The following GRIK3 variants were observed in gnomAD, a reference collection of about 807,000 sequenced individuals.
The protein encoded by GRIK3 is glutamate ionotropic receptor kainate type subunit 3.
Under a neutral mutation model 102.5 loss-of-function variants are expected in GRIK3, and 29 were observed. That is an observed-to-expected ratio of 0.28 (90% CI 0.21 to 0.39). The LOEUF (loss-of-function observed/expected upper bound fraction) is 0.39. Among genes scored for constraint, GRIK3 ranks in the 10% least tolerant of loss-of-function variants. The probability of loss-of-function intolerance (pLI) is 1.00; values close to 1 mark genes in which losing one functional copy is unlikely to be tolerated. For missense variants in GRIK3, 908 were observed against 1,252.4 expected, an observed-to-expected ratio of 0.73 and a Z score of 4.15; for synonymous variants, 511 against 504.9, an observed-to-expected ratio of 1.01 and a Z score of -0.16.
intron 1 of GRIK3, among the ~76,000 whole-genome samples, chr1:36,976,515 C>T (rs80329866): frequency 6.6e-6 from 1 of 152,036 alleles, no homozygotes; most frequent in Admixed American, 6.5e-5. Flanking sequence ...GGGCCATGGA[C>T]CTTGGCAGAC....
At chr1:36,837,963 G>C (rs1640400954) in intron 10 of GRIK3, among the ~76,000 whole-genome samples, 1 of 152,236 alleles carries the variant, frequency 6.6e-6, no homozygotes, top group East Asian at 1.9e-4. Flanking sequence ...GATCCAGTGG[G>C]GGTAAGGTCT....
chr1:36,813,624 C>A (rs1257093244), intron 13 of GRIK3, among the ~76,000 whole-genome samples: 1 of 152,150 alleles, frequency 6.6e-6, no homozygotes, highest in African/African-American at 2.4e-5. Flanking sequence ...CTCTAACCTG[C>A]AAACATTCTG....
intron 3 of GRIK3, among the ~76,000 whole-genome samples, chr1:36,879,301 C>A (rs1640940812): frequency 6.6e-6 from 1 of 151,774 alleles, no homozygotes; most frequent in Non-Finnish European, 1.5e-5. Flanking sequence ...GGAGACCAGC[C>A]TGGGCAACGT....
intron 1 of GRIK3, among the ~76,000 whole-genome samples, chr1:36,976,050 C>T (rs957188852): frequency 5.4e-4 from 82 of 152,212 alleles, no homozygotes; most frequent in Non-Finnish European, 1.6e-4. Flanking sequence ...CAAGGAGCAA[C>T]CCAAAGTAGG....
chr1:36,981,976 G>A (rs767860914), intron 1 of GRIK3, among the ~76,000 whole-genome samples: 12 of 152,266 alleles, frequency 7.9e-5, no homozygotes, highest in Middle Eastern at 3.4e-3. Context: ...ATAAGCAAAC[G>A]GGGAGCGGGA....
intron 1 of GRIK3, among the ~76,000 whole-genome samples, chr1:36,996,903 G>A (rs1642426281): frequency 6.6e-6 from 1 of 152,228 alleles, no homozygotes; most frequent in African/African-American, 2.4e-5. Context: ...CATGACGGAA[G>A]ACATTTTTGG....
chr1:36,848,087 C>G (rs768962125), intron 9 of GRIK3, among the ~76,000 whole-genome samples: 3 of 152,194 alleles, frequency 2.0e-5, no homozygotes, highest in Non-Finnish European at 4.4e-5. Flanking sequence ...ACTCACAGGT[C>G]GAGAGCATGG....
intron 15 of GRIK3, among the ~76,000 whole-genome samples, chr1:36,802,965 C>T (rs148506302): frequency 6.6e-6 from 1 of 152,212 alleles, no homozygotes; most frequent in African/African-American, 2.4e-5. Flanking sequence ...ATGTGCCAGG[C>T]ACTGTTCCAG....
chr1:36,804,938 G>T, intron 15 of GRIK3, 49 bp downstream of exon 15: 1 of 1,600,592 alleles, frequency 6.2e-7, no homozygotes, highest in Non-Finnish European at 8.5e-7. Context: ...TGAAATCAGC[G>T]CGAATCTCCA....
At position 37,011,523 on chromosome 1, in the gene GRIK3, C is replaced by T. The variant is rs751551241; in HGVS notation, c.115+22471G>A. On this transcript the variant is annotated intron_variant, in intron 1 of 15. Coordinates refer to ENST00000373091, the MANE Select transcript of GRIK3 (RefSeq NM_000831.4). Reference sequence around the variant, plus strand: ...CTCAAGCACAGAGAGGTTAAGAACTCGCCTGAAGTCAGGAGTCAGGATTCA... The same window carrying T: ...CTCAAGCACAGAGAGGTTAAGAACTTGCCTGAAGTCAGGAGTCAGGATTCA... Among the ~76,000 whole-genome samples the T allele has an allele frequency of 2.6e-5, 4 of 152,296 alleles. No homozygotes were observed. In the South Asian group the frequency reaches 8.3e-4, roughly 32 times the overall value.
intron 3 of GRIK3, among the ~76,000 whole-genome samples, chr1:36,877,647 C>G (rs1039679503): frequency 1.3e-5 from 2 of 152,202 alleles, no homozygotes; most frequent in African/African-American, 4.8e-5. Flanking sequence ...GAATCCTCTC[C>G]CCTAGCCAGG....
At chr1:36,968,221 G>A (rs1012120781) in intron 1 of GRIK3, among the ~76,000 whole-genome samples, 1 of 4,128 alleles carries the variant, frequency 2.4e-4, no homozygotes, top group African/African-American at 5.2e-3. Context: ...CTCTCTCTCC[G>A]TGTGTGTGTG....
At chr1:36,950,936 G>A (rs998253696) in intron 1 of GRIK3, among the ~76,000 whole-genome samples, 3 of 152,206 alleles carry the variant, frequency 2.0e-5, no homozygotes, top group Non-Finnish European at 4.4e-5. Flanking sequence ...AGGGTTTGGG[G>A]TGGGGCATGA....
chr1:37,003,730 C>G (rs1642502867), intron 1 of GRIK3, among the ~76,000 whole-genome samples: 1 of 152,186 alleles, frequency 6.6e-6, no homozygotes, highest in Admixed American at 6.5e-5. Context: ...AAGACAGCCC[C>G]TTGGGTGGGT....
In GRIK3 at chr1:36,872,061, C is replaced by T. The variant is rs1640848582; in HGVS notation, c.732+127G>A. ...AGGCAAACCACCCAAGGTCACACAG[C>T]AGGAAAGTGGCAGAGCTAGGAGTCA... On this transcript the variant is annotated intron_variant, in intron 4 of 15. Transcript: ENST00000373091. The surrounding 1 kb of genome is among the most constrained non-coding windows in gnomAD (Gnocchi z 5.9). 5.8e-6 allele frequency: 5 copies of T among 867,488 alleles called. No homozygotes were observed. Among genetic ancestry groups the T allele is most frequent in the Non-Finnish European group, 8.6e-6 (5 of 579,772 alleles). 53.7% of individuals were successfully genotyped at this position (867,488 alleles called of 1,614,324 possible). A position where few individuals can be genotyped will look rare whatever the true frequency, so the allele number is the denominator to read the frequency against.
intron 1 of GRIK3, among the ~76,000 whole-genome samples, chr1:36,965,530 T>A (rs534467441): frequency 6.6e-6 from 1 of 152,196 alleles, no homozygotes; most frequent in South Asian, 2.1e-4. Context: ...AGGGGATAGA[T>A]GAGACTCTGG....
chr1:36,833,564 G>A (rs1239984522), intron 10 of GRIK3, among the ~76,000 whole-genome samples: 1 of 152,246 alleles, frequency 6.6e-6, no homozygotes, highest in Non-Finnish European at 1.5e-5. Flanking sequence ...CCTGCTCCAG[G>A]CTGGGGCAAT....
Position 36,802,796 on chromosome 1 carries a change from T to A in GRIK3, c.2566-751A>T, listed in dbSNP as rs112558278. ...GAGGCCAGGGCACTAGCACCAGGAC[T>A]ACTTGTGTGCAGGGGCTGGGGACTA... On this transcript the variant is annotated intron_variant, in intron 15 of 15. Coordinates refer to ENST00000373091, the MANE Select transcript of GRIK3 (RefSeq NM_000831.4). Among the ~76,000 whole-genome samples, 26 of 152,332 alleles carry A rather than the reference T, an allele frequency of 1.7e-4. 1 individual carries two copies. Among genetic ancestry groups the A allele is most frequent in the African/African-American group, 6.0e-4 (25 of 41,576 alleles).
At chr1:36,902,102 C>A (rs567931816) in intron 1 of GRIK3, among the ~76,000 whole-genome samples, 45 of 152,252 alleles carry the variant, frequency 3.0e-4, no homozygotes, top group Middle Eastern at 6.8e-3. Context: ...AATGGAGAGA[C>A]CTTCAATGTT....
Sources: allele counts gnomAD v4.1 joint callset (sites outside exome capture counted in the v4.1 genomes callset), GRCh38; gene constraint gnomAD v4.1.1; non-coding constraint Gnocchi (gnomAD v3.1); transcripts MANE v1.5; gene names NCBI Gene and HGNC (gene_info 2026-07-23, HGNC 2026-07-21).